The following CAMK1D variants were observed in gnomAD, a reference collection of about 807,000 sequenced individuals.
CAMK1D encodes calcium/calmodulin-dependent protein kinase type 1D.
A neutral mutation model predicts 47.7 loss-of-function variants in CAMK1D; 9 were observed. The ratio of observed to expected loss-of-function variants is 0.19; its 90% confidence interval spans 0.11 to 0.33. The LOEUF is 0.33. Ranked by LOEUF, CAMK1D falls within the 10% of genes least tolerant of loss-of-function variation. The pLI is 1.00. For synonymous variants in CAMK1D, 184 were observed against 184.9 expected (o/e 0.99, Z 0.04); for missense variants, 291 against 488.7 (o/e 0.60, Z 3.81).
intron 1 of CAMK1D, among the ~76,000 whole-genome samples, chr10:12,506,866 T>C (rs1441899215): frequency 6.6e-6 from 1 of 152,020 alleles, no homozygotes; most frequent in Non-Finnish European, 1.5e-5. Flanking sequence ...AGCCCGAGGG[T>C]AGGACCTGCC....
At chr10:12,403,843 T>G (rs1032725205) in intron 1 of CAMK1D, among the ~76,000 whole-genome samples, 1 of 151,908 alleles carries the variant, frequency 6.6e-6, no homozygotes, top group African/African-American at 2.4e-5. Flanking sequence ...TGAAGTAGGG[T>G]GGTTGTTTTG....
chr10:12,710,117 A>G (rs569253076), intron 3 of CAMK1D, among the ~76,000 whole-genome samples: 1 of 152,386 alleles, frequency 6.6e-6, no homozygotes, highest in South Asian at 2.1e-4. Flanking sequence ...GAAATACTAT[A>G]TAAATGCTTA....
intron 1 of CAMK1D, among the ~76,000 whole-genome samples, chr10:12,388,273 G>T (rs7090903): frequency 3.9e-5 from 6 of 152,106 alleles, no homozygotes; most frequent in Non-Finnish European, 7.4e-5. Flanking sequence ...GTGATCCGCT[G>T]GCCTTGACCT....
intron 10 of CAMK1D, among the ~76,000 whole-genome samples, chr10:12,827,472 GTCTT>G (rs1244927320): frequency 0.029 from 148 of 5,096 alleles, 40 homozygotes; most frequent in East Asian, 0.24. Flanking sequence ...TTGTCTGTCT[GTCTT>G]TCTTTCTTTC....
chr10:12,824,271 G>A (rs367729265), intron 8 of CAMK1D, among the ~76,000 whole-genome samples, 194 bp from the exon 9 acceptor site: 52 of 152,192 alleles, frequency 3.4e-4, no homozygotes, highest in African/African-American at 1.2e-3. Context: ...AGGACTTTGT[G>A]GTGAGGGGTT....
chr10:12,351,114 C>T (rs2131826993), intron 1 of CAMK1D, among the ~76,000 whole-genome samples: 1 of 152,244 alleles, frequency 6.6e-6, no homozygotes, highest in South Asian at 2.1e-4. Flanking sequence ...CCCCTCACCC[C>T]CACGCAGATC....
chr10:12,443,332 A>T (rs1331711738), intron 1 of CAMK1D, among the ~76,000 whole-genome samples: 8 of 152,182 alleles, frequency 5.3e-5, no homozygotes, highest in Admixed American at 2.6e-4. Context: ...CTCCATTCTG[A>T]GAATCTCTGC....
intron 3 of CAMK1D, among the ~76,000 whole-genome samples, chr10:12,700,660 G>A (rs186903744): frequency 4.6e-5 from 7 of 152,278 alleles, no homozygotes; most frequent in African/African-American, 7.2e-5. Flanking sequence ...GACATGGCAC[G>A]AAATAGCCCA....
chr10:12,592,642 A>G (rs1480445762), intron 2 of CAMK1D, among the ~76,000 whole-genome samples: 1 of 152,170 alleles, frequency 6.6e-6, no homozygotes, highest in Non-Finnish European at 1.5e-5. Context: ...ATTTCCAAAC[A>G]TACTGAAATC....
intron 1 of CAMK1D, among the ~76,000 whole-genome samples, chr10:12,381,081 C>T (rs944936891): frequency 1.3e-5 from 2 of 152,140 alleles, no homozygotes; most frequent in African/African-American, 4.8e-5. Flanking sequence ...CTGCCTTTTC[C>T]CTTTATTGGA....
intron 3 of CAMK1D, among the ~76,000 whole-genome samples, chr10:12,685,956 A>G (rs45496595): frequency 0.06 from 9,145 of 152,184 alleles, 306 homozygotes; most frequent in African/African-American, 0.087. Context: ...CTTCCAGACT[A>G]CAGCTGCCCC....
At chr10:12,437,917 A>G (rs1425598503) in intron 1 of CAMK1D, among the ~76,000 whole-genome samples, 1 of 152,212 alleles carries the variant, frequency 6.6e-6, no homozygotes, top group Non-Finnish European at 1.5e-5. Context: ...CCTGCAGTAT[A>G]TATTCACATC....
chr10:12,803,309 T>C (rs1838565057), intron 6 of CAMK1D, among the ~76,000 whole-genome samples: 2 of 152,222 alleles, frequency 1.3e-5, no homozygotes. Context: ...TATGGAACCC[T>C]GAGGGGCAAG....
chr10:12,644,959 C>G (rs1485482634), intron 2 of CAMK1D, among the ~76,000 whole-genome samples: 1 of 150,464 alleles, frequency 6.6e-6, no homozygotes, highest in Non-Finnish European at 1.5e-5. Context: ...AGTGGGTTTA[C>G]TTGAAGGTTA....
chr10:12,509,188 G>T (rs563674340), intron 1 of CAMK1D, among the ~76,000 whole-genome samples: 74 of 152,332 alleles, frequency 4.9e-4, no homozygotes, highest in African/African-American at 1.8e-3. Flanking sequence ...ATGGGAAGGG[G>T]CCCCAGGCAG....
At position 12,546,393 on chromosome 10, in the gene CAMK1D, G is replaced by T. The variant is rs141487683; in HGVS notation, c.93-6832G>T. On this transcript the variant is annotated intron_variant, in intron 1 of 10. Transcript: ENST00000619168. ...AGACAGAGAGCAGTAAAGTAGACAG[G>T]TTTCTAGACCACATTACTGATTAAA... 1.8e-4 allele frequency among the ~76,000 whole-genome samples: 27 copies of T among 152,238 alleles called. 2 individuals carry two copies. The East Asian group carries it at 5.2e-3, about 29-fold the overall frequency.
intron 1 of CAMK1D, among the ~76,000 whole-genome samples, chr10:12,529,023 T>C (rs1455589116): frequency 6.6e-6 from 1 of 150,538 alleles, no homozygotes; most frequent in Non-Finnish European, 1.5e-5. Flanking sequence ...CTCCTGGACT[T>C]GATAGTGTCT....
At chr10:12,370,975 TAAAG>T in intron 1 of CAMK1D, among the ~76,000 whole-genome samples, 1 of 152,196 alleles carries the variant, frequency 6.6e-6, no homozygotes, top group Non-Finnish European at 1.5e-5. Flanking sequence ...AATAAGGAAA[TAAAG>T]AAAATTTATT....
At chr10:12,765,204 CTG>C (rs1170040192) in intron 4 of CAMK1D, among the ~76,000 whole-genome samples, 2 of 152,212 alleles carry the variant, frequency 1.3e-5, no homozygotes, top group African/African-American at 4.8e-5. Context: ...CCATCCCTTT[CTG>C]TGTTGTTACT....
Sources: allele counts gnomAD v4.1 joint callset (sites outside exome capture counted in the v4.1 genomes callset), GRCh38; gene constraint gnomAD v4.1.1; transcripts MANE v1.5; gene names NCBI Gene and HGNC (gene_info 2026-07-23, HGNC 2026-07-21).